SLC8A1: variants seen among roughly 807,000 people sequenced by gnomAD.
The protein encoded by SLC8A1 is solute carrier family 8 member A1.
In SLC8A1, 18 loss-of-function variants were observed where a neutral mutation model predicts 68.3. That is an observed-to-expected ratio of 0.26 (90% confidence interval 0.18 to 0.39). The LOEUF (loss-of-function observed/expected upper bound fraction) is 0.39. SLC8A1 is among the 10% of genes least tolerant of loss of function. The pLI is 1.00. For missense variants in SLC8A1, 985 were observed against 1,156.7 expected, an observed-to-expected ratio of 0.85 and a Z score of 2.15; for synonymous variants, 475 against 415.5, an observed-to-expected ratio of 1.14 and a Z score of -1.74.
intron 1 of SLC8A1, among the ~76,000 whole-genome samples, chr2:40,449,568 G>C (rs1702062102): frequency 6.6e-6 from 1 of 152,038 alleles, no homozygotes; most frequent in Non-Finnish European, 1.5e-5. Flanking sequence ...TAATTTTATT[G>C]GGAGTCAAAG....
chr2:40,236,876 A>G (rs2060460754), intron 2 of SLC8A1, among the ~76,000 whole-genome samples: 1 of 151,476 alleles, frequency 6.6e-6, no homozygotes, highest in South Asian at 2.1e-4. Flanking sequence ...GTTTGGCTGG[A>G]TATGAAATTC....
At chr2:40,319,136 T>C (rs2074870610) in intron 2 of SLC8A1, among the ~76,000 whole-genome samples, 1 of 152,120 alleles carries the variant, frequency 6.6e-6, no homozygotes, top group African/African-American at 2.4e-5. Context: ...AGTGTGGGAA[T>C]GGCTTTATTT....
At chr2:40,389,722 T>C (rs1684687265) in intron 2 of SLC8A1, among the ~76,000 whole-genome samples, 1 of 151,498 alleles carries the variant, frequency 6.6e-6, no homozygotes, top group East Asian at 1.9e-4. Context: ...CATACCTAGG[T>C]GTGGGGAAGC....
intron 6 of SLC8A1, among the ~76,000 whole-genome samples, chr2:40,151,399 T>C (rs1420346097): frequency 6.6e-6 from 1 of 152,216 alleles, no homozygotes; most frequent in Non-Finnish European, 1.5e-5. Context: ...TCATTCTTTA[T>C]AAAACAAAGA....
At chr2:40,298,390 G>C (rs977456778) in intron 2 of SLC8A1, among the ~76,000 whole-genome samples, 4 of 152,088 alleles carry the variant, frequency 2.6e-5, no homozygotes, top group African/African-American at 7.2e-5. Context: ...GGAAAACCGG[G>C]TATACTTTGT....
At chr2:40,457,213 A>C (rs1159130091) in intron 1 of SLC8A1, among the ~76,000 whole-genome samples, 7 of 152,168 alleles carry the variant, frequency 4.6e-5, no homozygotes, top group Non-Finnish European at 1.0e-4. Flanking sequence ...TACACAACAC[A>C]CTTTCCTCAA....
rs1396335033 is a variant in SLC8A1 at position 40,384,486 on chromosome 2, C to G, written c.1808+43987G>C. 2.0e-5 allele frequency among the ~76,000 whole-genome samples: 3 copies of G among 152,122 alleles called. No individual in the cohort carries two copies. The South Asian group carries it at 6.2e-4, about 32-fold the overall frequency. On this transcript the variant is annotated intron_variant, in intron 2 of 7. Transcript: ENST00000406785. ...CTCTAATTATCTTTGAAAGAAGGTA[C>G]ACTATACATCAACATCATCATCATT...
intron 1 of SLC8A1, among the ~76,000 whole-genome samples, chr2:40,430,612 A>C (rs762739190): frequency 8.5e-5 from 13 of 152,188 alleles, no homozygotes; most frequent in Admixed American, 3.3e-4. Flanking sequence ...GAAAAGTTCA[A>C]TTTATATAGC....
chr2:40,212,918 T>A (rs889364900), intron 2 of SLC8A1, among the ~76,000 whole-genome samples: 1 of 151,774 alleles, frequency 6.6e-6, no homozygotes, highest in Non-Finnish European at 1.5e-5. Flanking sequence ...TGTAGGGGGG[T>A]TGGGCAAGAG....
intron 2 of SLC8A1, among the ~76,000 whole-genome samples, chr2:40,387,984 C>G (rs1684123947): frequency 6.8e-6 from 1 of 147,472 alleles, no homozygotes. Context: ...TGATGGGCTA[C>G]TAAGGAAATC....
chr2:40,341,098 G>C (rs1239106760), intron 2 of SLC8A1, among the ~76,000 whole-genome samples: 1 of 152,156 alleles, frequency 6.6e-6, no homozygotes, highest in Non-Finnish European at 1.5e-5. Context: ...TTCCCAACCA[G>C]AAAGTAACTC....
At chr2:40,394,970 T>C (rs1559508786) in intron 2 of SLC8A1, among the ~76,000 whole-genome samples, 1 of 152,130 alleles carries the variant, frequency 6.6e-6, no homozygotes, top group Non-Finnish European at 1.5e-5. Flanking sequence ...ACATCTCTCT[T>C]CTTTTCTGCA....
intron 2 of SLC8A1, among the ~76,000 whole-genome samples, chr2:40,296,353 A>G (rs2149250770): frequency 6.6e-6 from 1 of 152,296 alleles, no homozygotes; most frequent in East Asian, 1.9e-4. Flanking sequence ...GACCAATGGA[A>G]TATAAGGGAT....
intron 7 of SLC8A1, among the ~76,000 whole-genome samples, chr2:40,119,713 A>T: frequency 6.6e-6 from 1 of 152,248 alleles, no homozygotes; most frequent in African/African-American, 2.4e-5. Context: ...TGTTGATAAT[A>T]ACACATGTAT....
At chr2:40,420,652 G>T (rs764173726) in intron 2 of SLC8A1, among the ~76,000 whole-genome samples, 2 of 152,182 alleles carry the variant, frequency 1.3e-5, no homozygotes, top group Non-Finnish European at 2.9e-5. Flanking sequence ...TAGGTTAATG[G>T]AGAGTGGGGC....
chr2:40,334,115 T>C (rs913722489), intron 2 of SLC8A1, among the ~76,000 whole-genome samples: 4 of 152,146 alleles, frequency 2.6e-5, no homozygotes, highest in African/African-American at 9.7e-5. Context: ...TGCAACATCA[T>C]CAACATATCT....
chr2:40,153,096 A>G (rs913315460), intron 6 of SLC8A1, among the ~76,000 whole-genome samples: 5 of 152,236 alleles, frequency 3.3e-5, no homozygotes, highest in Non-Finnish European at 5.9e-5. Context: ...TTAAAAAAAT[A>G]TCACTTACAA....
At chr2:40,212,281 A>ATTTTT (rs371395367) in intron 2 of SLC8A1, among the ~76,000 whole-genome samples, 5 of 118,234 alleles carry the variant, frequency 4.2e-5, no homozygotes, top group South Asian at 2.4e-4. Context: ...GAGATGCAAT[A>ATTTTT]TCTTTTTTTT....
At chr2:40,130,515 G>T (rs2039109598) in intron 7 of SLC8A1, among the ~76,000 whole-genome samples, 1 of 152,370 alleles carries the variant, frequency 6.6e-6, no homozygotes, top group South Asian at 2.1e-4. Flanking sequence ...TGCCCGTCTG[G>T]CAGTGTCCCT....
Sources: allele counts gnomAD v4.1 joint callset (sites outside exome capture counted in the v4.1 genomes callset), GRCh38; gene constraint gnomAD v4.1.1; transcripts MANE v1.5; gene names NCBI Gene and HGNC (gene_info 2026-07-23, HGNC 2026-07-21).